EML4: variants seen among roughly 807,000 people sequenced by gnomAD.
EML4 encodes EMAP like 4.
Under a neutral mutation model 129.0 loss-of-function variants are expected in EML4, and 72 were observed. The observed-to-expected ratio is 0.56, with a 90% CI of 0.46 to 0.68. EML4 has a LOEUF of 0.68. EML4 is among the 30% of genes least tolerant of loss of function. EML4 has a pLI of 0.00. For missense variants in EML4, 1,363 were observed against 1,190.6 expected, an observed-to-expected ratio of 1.14 and a Z score of -2.13; for synonymous variants, 532 against 405.0, an observed-to-expected ratio of 1.31 and a Z score of -3.77.
chr2:42,268,251 C>A (rs958168158), intron 6 of EML4, among the ~76,000 whole-genome samples: 13 of 151,968 alleles, frequency 8.6e-5, no homozygotes, highest in Admixed American at 5.9e-4. Flanking sequence ...CTAAACAATA[C>A]AATATAACAA....
At chr2:42,311,907 G>A (rs1219972940) in intron 17 of EML4, among the ~76,000 whole-genome samples, 1 of 151,908 alleles carries the variant, frequency 6.6e-6, no homozygotes, top group Non-Finnish European at 1.5e-5. Context: ...ATGAGGTCTC[G>A]CTACATTGAC....
At chr2:42,294,568 C>T (rs1385757555) in intron 11 of EML4, among the ~76,000 whole-genome samples, 1 of 152,028 alleles carries the variant, frequency 6.6e-6, no homozygotes, top group African/African-American at 2.4e-5. Context: ...TGGTGGTGGG[C>T]GCCTGTGGTC....
At chr2:42,179,727 C>T (rs901386571) in intron 1 of EML4, among the ~76,000 whole-genome samples, 5 of 152,084 alleles carry the variant, frequency 3.3e-5, no homozygotes, top group African/African-American at 7.2e-5. Context: ...CTCAGCCTCC[C>T]GAGTAACTGG....
chr2:42,206,653 G>C (rs1247885284), intron 1 of EML4, among the ~76,000 whole-genome samples: 1 of 152,144 alleles, frequency 6.6e-6, no homozygotes, highest in Non-Finnish European at 1.5e-5. Flanking sequence ...TTTGTAGGCT[G>C]TCTCTCAATT....
chr2:42,235,131 A>G (rs906452029), intron 1 of EML4, among the ~76,000 whole-genome samples: 1 of 152,150 alleles, frequency 6.6e-6, no homozygotes, highest in Non-Finnish European at 1.5e-5. Flanking sequence ...TCCCGTCTCT[A>G]TTAAAAGTAC....
chr2:42,248,355 A>G (rs987689672), intron 2 of EML4, among the ~76,000 whole-genome samples: 32 of 152,232 alleles, frequency 2.1e-4, no homozygotes, highest in African/African-American at 7.7e-4. Context: ...ATTCTGAAAT[A>G]TTTTAAAGAA....
In EML4 at chr2:42,330,555, T is replaced by G; in HGVS notation, c.*348T>G. On this transcript the variant is annotated 3_prime_UTR_variant, in exon 23 of 23. Coordinates refer to ENST00000318522, the MANE Select transcript of EML4 (RefSeq NM_019063.5). ...AACCCCCTTGTTATCTGAACATGTT[T>G]TCTTCAGGAACAACCAGAGGTATCA... is the stretch of plus-strand genomic sequence containing the variant. 2.3e-6 allele frequency: 1 copy of G among 440,054 alleles called. No individual in the cohort carries two copies. Among genetic ancestry groups the G allele is most frequent in the East Asian group, 4.0e-5 (1 of 24,726 alleles). The allele number at this position is 440,054 out of a possible 1,614,324, so 27.3% of individuals were successfully genotyped here. A position where few individuals can be genotyped will look rare whatever the true frequency, so the allele number is the denominator to read the frequency against.
chr2:42,247,365 A>ATTTGAAAGAGATGCTGAGAGACC (rs1675478247), intron 2 of EML4, among the ~76,000 whole-genome samples: 1 of 152,182 alleles, frequency 6.6e-6, no homozygotes, highest in Non-Finnish European at 1.5e-5. Flanking sequence ...GACCGTAGAC[A>ATTTGAAAGAGATGCTGAGAGACC]TTTGAAAGAG....
intron 1 of EML4, among the ~76,000 whole-genome samples, chr2:42,231,709 G>A (rs892460843): frequency 6.6e-6 from 1 of 152,122 alleles, no homozygotes; most frequent in African/African-American, 2.4e-5. Flanking sequence ...CAGCACTTTG[G>A]GAGGCCAAGG....
At chr2:42,238,464 C>G (rs1674814076) in intron 1 of EML4, among the ~76,000 whole-genome samples, 1 of 152,112 alleles carries the variant, frequency 6.6e-6, no homozygotes. Flanking sequence ...AAAATGTGGT[C>G]TGGTGCAGTG....
At chr2:42,232,879 A>C (rs1019020038) in intron 1 of EML4, among the ~76,000 whole-genome samples, 3 of 151,646 alleles carry the variant, frequency 2.0e-5, no homozygotes, top group Non-Finnish European at 4.4e-5. Context: ...CGCCCGCCAC[A>C]ACGCGCGGCT....
intron 17 of EML4, among the ~76,000 whole-genome samples, chr2:42,306,525 C>G (rs1416387076): frequency 1.1e-5 from 1 of 88,128 alleles, no homozygotes; most frequent in African/African-American, 3.4e-5. Context: ...TAGAGTCTCG[C>G]TCTGTCACCC....
rs570707729 is a variant in EML4 at position 42,250,028 on chromosome 2, G to A, written c.208+4341G>A. Among the ~76,000 whole-genome samples, 13 of 152,304 alleles carry A rather than the reference G, an allele frequency of 8.5e-5. No homozygotes were observed. The South Asian group carries it at 1.7e-3, about 19-fold the overall frequency. On this transcript the variant is annotated intron_variant, in intron 2 of 22. Coordinates refer to ENST00000318522, the MANE Select transcript of EML4 (RefSeq NM_019063.5). ...GAATTATGTCACAGCTGGTGCCTGG[G>A]AAACTCATTAGGACCTCTTGAGGTG...
intron 1 of EML4, among the ~76,000 whole-genome samples, chr2:42,229,752 G>A (rs1407752111): frequency 6.6e-6 from 1 of 152,010 alleles, no homozygotes; most frequent in Non-Finnish European, 1.5e-5. Flanking sequence ...CTAGAGTCTT[G>A]GTTGAGGCCC....
intron 1 of EML4, among the ~76,000 whole-genome samples, chr2:42,174,580 A>C (rs1465803815): frequency 6.6e-6 from 1 of 152,162 alleles, no homozygotes; most frequent in Admixed American, 6.5e-5. Context: ...GGTGTGAGCC[A>C]CTGTGCCTGA....
chr2:42,193,871 A>G (rs559136444), intron 1 of EML4, among the ~76,000 whole-genome samples: 13 of 152,028 alleles, frequency 8.6e-5, no homozygotes, highest in Admixed American at 6.6e-4. Context: ...TGTTTTGTAG[A>G]GACAGGATCT....
chr2:42,283,089 T>C, intron 8 of EML4, 117 bp downstream of exon 8: 1 of 974,034 alleles, frequency 1.0e-6, no homozygotes, highest in Non-Finnish European at 1.5e-6. Context: ...GTAAAAATAT[T>C]ATGGGTCATC....
intron 11 of EML4, among the ~76,000 whole-genome samples, chr2:42,294,035 G>C (rs1667808560): frequency 6.6e-6 from 1 of 152,214 alleles, no homozygotes; most frequent in African/African-American, 2.4e-5. Flanking sequence ...CAGGCATGTA[G>C]TTAAGTTTCA....
chr2:42,260,251 T>G (rs1665644145), intron 3 of EML4, among the ~76,000 whole-genome samples: 2 of 152,110 alleles, frequency 1.3e-5, no homozygotes, highest in Admixed American at 1.3e-4. Context: ...CACTGCAAAC[T>G]CCGCCTCCCT....
Sources: gnomAD v4.1 joint callset for allele counts (sites outside exome capture counted in the v4.1 genomes callset) on GRCh38, gnomAD v4.1.1 for gene constraint, MANE v1.5 for transcripts, NCBI Gene and HGNC (gene_info 2026-07-23, HGNC 2026-07-21) for gene names.